Variants in GLDC observed in about 807,000 individuals in gnomAD.
GLDC encodes the protein glycine dehydrogenase (decarboxylating), mitochondrial.
Under a neutral mutation model 121.3 loss-of-function variants are expected in GLDC, and 104 were observed. The observed-to-expected ratio is 0.86, with a 90% confidence interval of 0.73 to 1.01. GLDC has a LOEUF of 1.01. GLDC is among the 50% of genes least tolerant of loss of function. The probability of loss-of-function intolerance (pLI) is 0.00; values close to 1 mark genes in which losing one functional copy is unlikely to be tolerated. For missense variants in GLDC, 1,429 were observed against 1,306.6 expected (o/e 1.09, Z -1.44); for synonymous variants, 546 against 480.6 (o/e 1.14, Z -1.78).
intron 2 of GLDC, chr9:6,639,546 G>T (rs888888550): frequency 1.5e-5 from 12 of 782,304 alleles, no homozygotes; most frequent in Non-Finnish European, 2.5e-5. Context: ...AGAGAAGAAG[G>T]TATATGTTCG....
rs148384153 is a variant in GLDC, at chr9:6,625,323, G to A, written c.335-5004C>T. ...GAAAGGGAAGCAATATGGCCTTGCA[G>A]TCACGTTGTTCCACAAGCAGCACGG... On this transcript the variant is annotated intron_variant, in intron 2 of 24. Transcript: ENST00000321612. 2.0e-5 allele frequency among the ~76,000 whole-genome samples: 3 copies of A among 152,298 alleles called. No individual in the cohort carries two copies. The East Asian group carries it at 5.8e-4, about 29-fold the overall frequency.
Position 6,593,052 on chromosome 9 carries a change from T to C in GLDC, c.1262-62A>G, listed in dbSNP as rs1000482887. On this transcript the variant is annotated intron_variant, in intron 9 of 24. Transcript: ENST00000321612. ...GAAACCTGCTCCTCAGCCATTGACATGTCACAGAATAATAAAGAGATAAAT... is the reference window on the plus strand; with the variant it reads ...GAAACCTGCTCCTCAGCCATTGACACGTCACAGAATAATAAAGAGATAAAT... 5.8e-6 allele frequency: 9 copies of C among 1,548,222 alleles called. No individual in the cohort carries two copies. The Admixed American group carries it at 1.2e-4, about 20-fold the overall frequency.
rs534021802 is a variant in GLDC, at chr9:6,612,849, G to C, written c.471-2493C>G. 5.3e-4 allele frequency among the ~76,000 whole-genome samples: 80 copies of C among 151,846 alleles called. 1 individual carries two copies. The highest frequency in any genetic ancestry group is 1.3e-3 in the Admixed American group (20 of 15,232). The stretch of plus-strand genomic sequence containing the variant: ...TGCACTCCAGCCTGGGTGACAGAGC[G>C]AGACTCCATCTCAAAAAACAAAAAA... On this transcript the variant is annotated intron_variant, in intron 3 of 24. Coordinates refer to ENST00000321612, the MANE Select transcript of GLDC (RefSeq NM_000170.3).
intron 15 of GLDC, among the ~76,000 whole-genome samples, chr9:6,577,384 A>T (rs1307744816): frequency 6.6e-6 from 1 of 152,242 alleles, no homozygotes; most frequent in Non-Finnish European, 1.5e-5. Flanking sequence ...TTTTGCCTCC[A>T]GCCCCAGGGC....
In GLDC at chr9:6,561,370, C is replaced by T. The variant is rs142339401; in HGVS notation, c.1927-2686G>A. On this transcript the variant is annotated intron_variant, in intron 16 of 24. Transcript: ENST00000321612. ...CTCAGTTTAAAATTGTAGTGTTGGC[C>T]GGGCGAGGTTGCTCATGTCTGTAAT... 2.2e-3 allele frequency among the ~76,000 whole-genome samples: 330 copies of T among 152,142 alleles called. 2 individuals carry two copies. Among genetic ancestry groups the T allele is most frequent in the African/African-American group, 7.3e-3 (301 of 41,496 alleles).
At chr9:6,575,199 C>T (rs1474279097) in intron 15 of GLDC, among the ~76,000 whole-genome samples, 17 of 150,554 alleles carry the variant, frequency 1.1e-4, no homozygotes, top group Non-Finnish European at 1.3e-4. Context: ...GAGTGAGACT[C>T]CATCTCAAAA....
chr9:6,564,990 G>C (rs1331519100), intron 16 of GLDC, among the ~76,000 whole-genome samples: 2 of 152,214 alleles, frequency 1.3e-5, no homozygotes, highest in African/African-American at 2.4e-5. Flanking sequence ...TTAAAGCATG[G>C]TCTCTGCCCT....
intron 7 of GLDC, among the ~76,000 whole-genome samples, chr9:6,603,209 CAG>C (rs1476977394): frequency 1.4e-5 from 2 of 145,930 alleles, no homozygotes; most frequent in African/African-American, 2.6e-5. Context: ...GCCTGGGTGA[CAG>C]AGAGAGACTC....
At chr9:6,556,418 C>A (rs1315222556) in intron 17 of GLDC, 116 bp from the exon 18 acceptor site, 14 of 846,974 alleles carry the variant, frequency 1.7e-5, no homozygotes, top group African/African-American at 6.6e-5. Flanking sequence ...TCTTTACTTT[C>A]CTGGAACTGT....
At chr9:6,619,145 GCAAAAAAA>G (rs1171717087) in intron 3 of GLDC, among the ~76,000 whole-genome samples, 5 of 30,194 alleles carry the variant, frequency 1.7e-4, no homozygotes, top group African/African-American at 7.6e-4. Context: ...TCTGTCTCAG[GCAAAAAAA>G]AAAAAAAAAA....
chr9:6,560,597 C>T (rs191321688), intron 16 of GLDC, among the ~76,000 whole-genome samples: 2 of 152,252 alleles, frequency 1.3e-5, no homozygotes, highest in Admixed American at 1.3e-4. Context: ...GAAAGGATCC[C>T]TTCAGGGCAG....
chr9:6,570,842 A>G, intron 15 of GLDC, among the ~76,000 whole-genome samples: 1 of 146,954 alleles, frequency 6.8e-6, no homozygotes, highest in African/African-American at 2.5e-5. Context: ...CAACAAGAGC[A>G]AAACTCTGTC....
Position 6,619,145 on chromosome 9 carries a change from G to GAAAAAA in GLDC, c.470+1038_470+1039insTTTTTT, listed in dbSNP as rs1563864174. On this transcript the variant is annotated intron_variant, in intron 3 of 24. Transcript: ENST00000321612. ...GCAACAGAGTGAGACTCTGTCTCAGGCAAAAAAAAAAAAAAAAAAAAAAAA... is the reference window on the plus strand; with the variant it reads ...GCAACAGAGTGAGACTCTGTCTCAGGAAAAAACAAAAAAAAAAAAAAAAAAAAAAAA... Among the ~76,000 whole-genome samples the GAAAAAA allele has an allele frequency of 6.5e-3, 197 of 30,200 alleles. 4 individuals are homozygous for GAAAAAA. The highest frequency in any genetic ancestry group is 0.028 in the African/African-American group (186 of 6,578). The allele number at this position is 30,200 out of a possible 152,430, so 19.8% of individuals were successfully genotyped here. A position where few individuals can be genotyped will look rare whatever the true frequency, so the allele number is the denominator to read the frequency against.
At chr9:6,615,687 T>C (rs1818955102) in intron 3 of GLDC, among the ~76,000 whole-genome samples, 1 of 152,112 alleles carries the variant, frequency 6.6e-6, no homozygotes, top group African/African-American at 2.4e-5. Context: ...CTCCACTCAC[T>C]GCAGTCTCCT....
At chr9:6,605,413 G>A (rs574694272) in intron 5 of GLDC, 135 bp from the exon 6 acceptor site, 90 of 802,030 alleles carry the variant, frequency 1.1e-4, no homozygotes, top group African/African-American at 2.4e-4. Flanking sequence ...CCCACATCCC[G>A]TCCCACAGGC....
Position 6,645,449 on chromosome 9 carries a change from C to G in GLDC, c.51G>C (p.Gly17=), listed in dbSNP as rs947785805. ...ATCCCCCAGCCAGGCGGCGGCCGCC[C>G]CCGACCCCGCGGCCCAGGCGCAGCC... is the stretch of plus-strand genomic sequence containing the variant. ...AWGLRLGRGV[G]GGRRLAGGSG... Residue 17 remains glycine, a synonymous_variant, in exon 1 of 25, where the codon GGG becomes GGC. Coordinates refer to ENST00000321612, the MANE Select transcript of GLDC (RefSeq NM_000170.3). 7.9e-7 allele frequency: 1 copy of G among 1,258,274 alleles called. No individual in the cohort carries two copies. Among genetic ancestry groups the G allele is most frequent in the Non-Finnish European group, 9.9e-7 (1 of 1,008,664 alleles). The allele number at this position is 1,258,274 out of a possible 1,614,324, so 77.9% of individuals were successfully genotyped here.
intron 9 of GLDC, among the ~76,000 whole-genome samples, chr9:6,594,072 G>C (rs1818439694): frequency 6.6e-6 from 1 of 151,974 alleles, no homozygotes; most frequent in Non-Finnish European, 1.5e-5. Flanking sequence ...CAATCCTCCT[G>C]GCTCAGCCTC....
intron 20 of GLDC, among the ~76,000 whole-genome samples, chr9:6,552,744 G>C (rs1563834133): frequency 6.6e-6 from 1 of 152,150 alleles, no homozygotes; most frequent in Non-Finnish European, 1.5e-5. Context: ...GGTGGGCAGG[G>C]CAGTGTGAAC....
In GLDC at chr9:6,635,517, G is replaced by T. The variant is rs189782493; in HGVS notation, c.334+9097C>A. ...TGAATATGTTTTGAGGTTAGAGTAA[G>T]TTATAGTCATACCGCTGCACTCTAG... On this transcript the variant is annotated intron_variant, in intron 2 of 24. Coordinates refer to ENST00000321612, the MANE Select transcript of GLDC (RefSeq NM_000170.3). Among the ~76,000 whole-genome samples the T allele has an allele frequency of 2.3e-4, 35 of 152,264 alleles. No individual in the cohort carries two copies. In the East Asian group the frequency reaches 6.4e-3, roughly 28 times the overall value.
Sources: allele counts gnomAD v4.1 joint callset (sites outside exome capture counted in the v4.1 genomes callset), GRCh38; gene constraint gnomAD v4.1.1; transcripts MANE v1.5; gene names NCBI Gene and HGNC (gene_info 2026-07-23, HGNC 2026-07-21).